The following KIAA1217 variants were observed in gnomAD, a reference collection of about 807,000 sequenced individuals.
KIAA1217 encodes the protein sickle tail protein homolog.
A neutral mutation model predicts 163.9 loss-of-function variants in KIAA1217; 88 were observed. The observed-to-expected ratio is 0.54, with a 90% CI of 0.45 to 0.64. The LOEUF is 0.64. Among genes scored for constraint, KIAA1217 ranks in the 30% least tolerant of loss-of-function variants. The probability of loss-of-function intolerance (pLI) is 0.00; values close to 1 mark genes in which losing one functional copy is unlikely to be tolerated. For missense variants in KIAA1217, 2,372 were observed against 2,475.0 expected (o/e 0.96, Z 0.88); for synonymous variants, 903 against 923.1 (o/e 0.98, Z 0.39).
chr10:24,322,496 T>G (rs536921066), intron 2 of KIAA1217, among the ~76,000 whole-genome samples: 3 of 152,300 alleles, frequency 2.0e-5, no homozygotes, highest in East Asian at 1.9e-4. Flanking sequence ...AAAAAGACCC[T>G]GTACATGAAC....
chr10:24,201,323 A>C (rs12242310), intron 2 of KIAA1217, among the ~76,000 whole-genome samples: 3,160 of 152,280 alleles, frequency 0.021, 109 homozygotes, highest in African/African-American at 0.07. Flanking sequence ...CTCAAGCGTT[A>C]CACAAATTAG....
chr10:24,122,631 G>T (rs1019953092), intron 2 of KIAA1217, among the ~76,000 whole-genome samples: 1 of 152,006 alleles, frequency 6.6e-6, no homozygotes, highest in African/African-American at 2.4e-5. Flanking sequence ...ATGGATTTGG[G>T]ATCATCTTAT....
At chr10:24,254,201 A>C (rs2074881677) in intron 2 of KIAA1217, among the ~76,000 whole-genome samples, 1 of 152,210 alleles carries the variant, frequency 6.6e-6, no homozygotes, top group African/African-American at 2.4e-5. Flanking sequence ...AGATTGGCTG[A>C]ACAAAGACAG....
At position 24,166,423 on chromosome 10, in the gene KIAA1217, G is replaced by A. The variant is rs1255608238; in HGVS notation, c.-170-53203G>A. On this transcript the variant is annotated intron_variant, in intron 2 of 18. Transcript: ENST00000376462. ...TCAATAGATCAGTAGGGTGACAATAGTCAACATTATCAATTGTATATTTCA... is the reference window on the plus strand; with the variant it reads ...TCAATAGATCAGTAGGGTGACAATAATCAACATTATCAATTGTATATTTCA... Among the ~76,000 whole-genome samples, 4 of 152,092 alleles carry A rather than the reference G, an allele frequency of 2.6e-5. No homozygotes were observed. The East Asian group carries it at 5.8e-4, about 22-fold the overall frequency.
intron 5 of KIAA1217, among the ~76,000 whole-genome samples, chr10:24,450,557 T>C (rs1175880373): frequency 2.0e-5 from 3 of 152,254 alleles, no homozygotes; most frequent in Non-Finnish European, 4.4e-5. Context: ...ATCAGTCTGT[T>C]TCCTTTCAAA....
At chr10:23,704,405 A>G (rs1836745765) in intron 1 of KIAA1217, among the ~76,000 whole-genome samples, 1 of 151,382 alleles carries the variant, frequency 6.6e-6, no homozygotes, top group South Asian at 2.1e-4. Flanking sequence ...ATTTTGGAAC[A>G]TTTTCATCTC....
chr10:23,945,945 T>C (rs1230976741), intron 1 of KIAA1217, among the ~76,000 whole-genome samples: 1 of 152,146 alleles, frequency 6.6e-6, no homozygotes, highest in Non-Finnish European at 1.5e-5. Context: ...CTTTAAAGCC[T>C]GGATTTTACA....
rs545710729 is a variant in KIAA1217 at position 24,522,602 on chromosome 10, G to A, written c.2456+673G>A. On this transcript the variant is annotated intron_variant, in intron 12 of 20. Transcript: ENST00000376454. ...CCTGCTCACCGAAGAGGTCACAGTG[G>A]AGTAAAGACCAAAAGACATTCAGGA... 3.3e-5 allele frequency among the ~76,000 whole-genome samples: 5 copies of A among 152,290 alleles called. No individual in the cohort carries two copies. In the South Asian group the frequency reaches 1.0e-3, roughly 32 times the overall value.
chr10:23,752,199 A>T (rs1273022240), intron 1 of KIAA1217, among the ~76,000 whole-genome samples: 1 of 152,228 alleles, frequency 6.6e-6, no homozygotes, highest in Non-Finnish European at 1.5e-5. Flanking sequence ...ATCAATTCCT[A>T]GAATCTTGGA....
chr10:24,444,564 G>A (rs931947282), intron 5 of KIAA1217, among the ~76,000 whole-genome samples: 1 of 152,150 alleles, frequency 6.6e-6, no homozygotes, highest in Non-Finnish European at 1.5e-5. Context: ...ACCAGTCATG[G>A]CATCTTAACC....
intron 1 of KIAA1217, among the ~76,000 whole-genome samples, chr10:23,702,988 A>G (rs1836576946): frequency 6.6e-6 from 1 of 151,862 alleles, no homozygotes; most frequent in African/African-American, 2.4e-5. Context: ...GGCCTCCCAA[A>G]GCGCTTCTGG....
Position 24,533,172 on chromosome 10 carries a change from ACCT to A in KIAA1217, c.3357_3359del (p.Ser1120del). 1 of 1,613,558 alleles carries A rather than the reference ACCT, an allele frequency of 6.2e-7. No individual in the cohort carries two copies. Among genetic ancestry groups the A allele is most frequent in the Non-Finnish European group, 8.5e-7 (1 of 1,179,878 alleles). On this transcript the variant is annotated inframe_deletion, in exon 16 of 21. Coordinates refer to ENST00000376454, the MANE Select transcript of KIAA1217 (RefSeq NM_019590.5). ...GACCCCATCCCCACCGCCTGTCACC[ACCT>A]CCTCCTCAAAGGATGAGGAGGAAGA...
intron 2 of KIAA1217, among the ~76,000 whole-genome samples, chr10:24,281,792 G>T (rs1009663692): frequency 6.6e-6 from 1 of 152,142 alleles, no homozygotes; most frequent in African/African-American, 2.4e-5. Context: ...CGGGCTCGGT[G>T]GCTCACGCCT....
chr10:24,092,771 G>A (rs545779445), intron 2 of KIAA1217, among the ~76,000 whole-genome samples: 3 of 151,876 alleles, frequency 2.0e-5, no homozygotes, highest in African/African-American at 7.3e-5. Context: ...ACTACTATGG[G>A]ATAGCATGGT....
At chr10:24,158,988 A>G (rs1361951819) in intron 2 of KIAA1217, among the ~76,000 whole-genome samples, 2 of 152,214 alleles carry the variant, frequency 1.3e-5, no homozygotes, top group South Asian at 2.1e-4. Flanking sequence ...AAAGAAAACT[A>G]AAAATCCCTG....
intron 1 of KIAA1217, among the ~76,000 whole-genome samples, chr10:23,787,205 C>G (rs1326330174): frequency 6.6e-6 from 1 of 152,138 alleles, no homozygotes; most frequent in Non-Finnish European, 1.5e-5. Context: ...CATTGATCCT[C>G]TGGGGTGATT....
intron 4 of KIAA1217, among the ~76,000 whole-genome samples, chr10:24,436,602 C>CA (rs1346572112): frequency 2.0e-5 from 3 of 151,300 alleles, no homozygotes; most frequent in African/African-American, 7.3e-5. Context: ...ACGGAAAATA[C>CA]AAAAAATTAG....
chr10:23,831,910 T>G (rs376409016), intron 1 of KIAA1217, among the ~76,000 whole-genome samples: 1 of 152,204 alleles, frequency 6.6e-6, no homozygotes, highest in Non-Finnish European at 1.5e-5. Context: ...TATTGAGAGA[T>G]AGGAAAAAGC....
intron 2 of KIAA1217, among the ~76,000 whole-genome samples, chr10:24,053,376 G>A (rs1343179819): frequency 6.6e-6 from 1 of 151,982 alleles, no homozygotes; most frequent in Non-Finnish European, 1.5e-5. Flanking sequence ...TTAGACTGTA[G>A]AATATTATGC....
Sources: allele counts gnomAD v4.1 joint callset (sites outside exome capture counted in the v4.1 genomes callset), GRCh38; gene constraint gnomAD v4.1.1; transcripts MANE v1.5; gene names NCBI Gene and HGNC (gene_info 2026-07-23, HGNC 2026-07-21).